The following KDM3B variants were observed in gnomAD, a reference collection of about 807,000 sequenced individuals.
The protein encoded by KDM3B is lysine demethylase 3B.
In KDM3B, 10 loss-of-function variants were observed where a neutral mutation model predicts 170.0. That is an observed-to-expected ratio of 0.06 (90% CI 0.04 to 0.10). The LOEUF is 0.10. Ranked by LOEUF, KDM3B falls within the 10% of genes least tolerant of loss-of-function variation. The pLI is 1.00. For missense variants in KDM3B, 1,394 were observed against 2,195.2 expected, an observed-to-expected ratio of 0.64 and a Z score of 7.29; for synonymous variants, 831 against 834.8, an observed-to-expected ratio of 1.00 and a Z score of 0.08.
rs985831045 is a variant in KDM3B, at chr5:138,425,371, T to G, written c.4240-40T>G. The G allele has an allele frequency of 3.8e-6, 6 of 1,596,534 alleles. No individual in the cohort carries two copies. In the Admixed American group the frequency reaches 8.9e-5, roughly 24 times the overall value. On this transcript the variant is annotated intron_variant, in intron 16 of 23. Transcript: ENST00000314358. ...GTCTCAGCCCTAGAGCTGGAAGTTT[T>G]TCCTAGATTGCTCTGATTGGGATAT...
Position 138,424,338 on chromosome 5 carries a change from T to G in KDM3B, c.4236T>G (p.Gly1412=), listed in dbSNP as rs371981158. The change falls in exon 16 of 24, where the codon GGT becomes GGG. Residue 1412 remains glycine (G), a synonymous_variant. Coordinates refer to ENST00000314358, the MANE Select transcript of KDM3B (RefSeq NM_016604.4). Reference sequence around the variant, plus strand: ...TCTTCCGGGAGTGTTGGAAGCAAGGTCAGGTAAGCAAGAATAAGTCGTTCC... The same window carrying G: ...TCTTCCGGGAGTGTTGGAAGCAAGGGCAGGTAAGCAAGAATAAGTCGTTCC... ...WKIFRECWKQ[G]QPVLVSGVHK... The G allele has an allele frequency of 1.9e-6, 3 of 1,613,344 alleles. No individual in the cohort carries two copies. The African/African-American group carries it at 4.0e-5, about 22-fold the overall frequency.
At position 138,417,490 on chromosome 5, in the gene KDM3B, C is replaced by T. The variant is rs906899378; in HGVS notation, c.3315C>T (p.Tyr1105=). 1 of 1,613,912 alleles carries T rather than the reference C, an allele frequency of 6.2e-7. No individual in the cohort carries two copies. Among genetic ancestry groups the T allele is most frequent in the Non-Finnish European group, 8.5e-7 (1 of 1,179,898 alleles). ...PTQIIPGTAL[Y]NIGDMVHAAR... is the part of the protein sequence containing the mutation. Reference sequence around the variant, plus strand: ...GTTACATTTTTTTCCCAGCTCTTTACAATATTGGAGACATGGTACATGCTG... The same window carrying T: ...GTTACATTTTTTTCCCAGCTCTTTATAATATTGGAGACATGGTACATGCTG... The change falls in exon 13 of 24, where the codon TAC becomes TAT. Residue 1105 remains tyrosine (Y), a synonymous_variant. Transcript: ENST00000314358.
Position 138,391,408 on chromosome 5 carries a change from A to C in KDM3B, c.1776A>C (p.Lys592Asn). 1 of 1,613,598 alleles carries C rather than the reference A, an allele frequency of 6.2e-7. No individual in the cohort carries two copies. Among genetic ancestry groups the C allele is most frequent in the Admixed American group, 1.7e-5 (1 of 59,962 alleles). The change falls in exon 8 of 24, where the codon AAA becomes AAC. Residue 592 changes from lysine (K) to asparagine (N), a missense_variant. This residue lies in a region of KDM3B where 294 missense variants were observed against 311.7 expected (regional missense o/e 0.94). Coordinates refer to ENST00000314358, the MANE Select transcript of KDM3B (RefSeq NM_016604.4). The surrounding 1 kb of genome is among the most constrained non-coding windows in gnomAD (Gnocchi z 5.0). ...GSKAGSSVDR[K>N]VPAESMPTLT... ...AGGCTGGCAGCTCTGTGGACCGGAA[A>C]GTGCCTGCAGAGTCCATGCCCACCC...
chr5:138,375,753 T>A (rs12513428), intron 3 of KDM3B, among the ~76,000 whole-genome samples: 2 of 151,752 alleles, frequency 1.3e-5, no homozygotes, highest in African/African-American at 4.8e-5. Context: ...CTTGGCTCAC[T>A]GAAACCTCTG....
chr5:138,405,066 CAG>C (rs1475656637), intron 11 of KDM3B, among the ~76,000 whole-genome samples: 1 of 137,028 alleles, frequency 7.3e-6, no homozygotes, highest in Non-Finnish European at 1.5e-5. Context: ...TTTTTTGAGA[CAG>C]AGTGTCGTAC....
intron 11 of KDM3B, among the ~76,000 whole-genome samples, chr5:138,404,041 C>T (rs924273827): frequency 6.6e-6 from 1 of 151,612 alleles, no homozygotes; most frequent in African/African-American, 2.4e-5. Flanking sequence ...AAAGACTAAA[C>T]TTGCAGACAT....
chr5:138,419,379 G>C, intron 14 of KDM3B, 147 bp downstream of exon 14: 1 of 1,030,026 alleles, frequency 9.7e-7, no homozygotes, highest in Non-Finnish European at 1.4e-6. Context: ...GCCGGGGCCT[G>C]GCGTGGTGGC....
intron 17 of KDM3B, 146 bp from the exon 18 acceptor site, chr5:138,426,829 C>T: frequency 1.7e-6 from 1 of 603,382 alleles, no homozygotes; most frequent in Non-Finnish European, 2.9e-6. Context: ...TGCCACTGCA[C>T]TGCAGCCCGG....
intron 11 of KDM3B, among the ~76,000 whole-genome samples, chr5:138,413,118 G>C (rs1372207990): frequency 1.3e-5 from 2 of 152,158 alleles, no homozygotes; most frequent in Non-Finnish European, 2.9e-5. Context: ...AGGCATGTTG[G>C]CTCATACCTG....
chr5:138,431,926 CAAAA>C (rs1382885197), intron 23 of KDM3B, among the ~76,000 whole-genome samples: 1 of 150,050 alleles, frequency 6.7e-6, no homozygotes, highest in African/African-American at 2.4e-5. Context: ...AAAAAAAAAA[CAAAA>C]AACAGTTTTT....
chr5:138,404,408 A>G (rs1310866237), intron 11 of KDM3B, among the ~76,000 whole-genome samples: 1 of 152,154 alleles, frequency 6.6e-6, no homozygotes, highest in Non-Finnish European at 1.5e-5. Flanking sequence ...GGGCGGGATC[A>G]CCTGAGGTCG....
rs540391481 is a variant in KDM3B at position 138,379,937 on chromosome 5, T to C, written c.705+229T>C. 7.9e-5 allele frequency among the ~76,000 whole-genome samples: 12 copies of C among 152,290 alleles called. No individual in the cohort carries two copies. The East Asian group carries it at 2.3e-3, about 29-fold the overall frequency. On this transcript the variant is annotated intron_variant, in intron 5 of 23. Coordinates refer to ENST00000314358, the MANE Select transcript of KDM3B (RefSeq NM_016604.4). ...CCCCACTGACCTTACAACACTGTTTTGGGTCCTGAGATAAAGTATCTGAAA... is the reference window on the plus strand; with the variant it reads ...CCCCACTGACCTTACAACACTGTTTCGGGTCCTGAGATAAAGTATCTGAAA...
chr5:138,368,787 C>G (rs115087612), intron 1 of KDM3B, among the ~76,000 whole-genome samples: 1 of 152,124 alleles, frequency 6.6e-6, no homozygotes, highest in South Asian at 2.1e-4. Context: ...ACACTTTATT[C>G]CATGTCCTTT....
intron 1 of KDM3B, among the ~76,000 whole-genome samples, chr5:138,358,302 C>T (rs868644107): frequency 3.6e-5 from 4 of 109,836 alleles, no homozygotes; most frequent in East Asian, 2.9e-4. Context: ...TTCTTTCTTT[C>T]TTTCTTTTTT....
intron 8 of KDM3B, 77 bp from the exon 9 acceptor site, chr5:138,393,094 C>A: frequency 7.3e-7 from 1 of 1,367,498 alleles, no homozygotes; most frequent in Non-Finnish European, 1.0e-6. Context: ...GAACAAATGT[C>A]TGTCCCCAAA....
At chr5:138,413,592 G>C (rs1763028324) in intron 11 of KDM3B, among the ~76,000 whole-genome samples, 1 of 152,100 alleles carries the variant, frequency 6.6e-6, no homozygotes, top group Non-Finnish European at 1.5e-5. Flanking sequence ...CATTTCCACA[G>C]AAAGACCTAT....
intron 8 of KDM3B, 109 bp downstream of exon 8, chr5:138,392,370 CA>C: frequency 7.8e-6 from 9 of 1,146,740 alleles, no homozygotes; most frequent in Non-Finnish European, 1.0e-5. Context: ...TCTGTAATCT[CA>C]TAGAATTACA....
chr5:138,403,124 CAA>C (rs1018919572), intron 11 of KDM3B, among the ~76,000 whole-genome samples: 2 of 152,146 alleles, frequency 1.3e-5, no homozygotes, highest in African/African-American at 4.8e-5. Flanking sequence ...GCTTCCATAA[CAA>C]AGTATAAAGC....
intron 11 of KDM3B, among the ~76,000 whole-genome samples, chr5:138,409,794 G>A (rs1580932848): frequency 6.6e-6 from 1 of 152,220 alleles, no homozygotes; most frequent in South Asian, 2.1e-4. Context: ...TAACAATAAT[G>A]AAAAATAGGC....
Sources: allele counts gnomAD v4.1 joint callset (sites outside exome capture counted in the v4.1 genomes callset), GRCh38; gene constraint gnomAD v4.1.1; regional missense constraint gnomAD v4.1.1; non-coding constraint Gnocchi (gnomAD v3.1); transcripts MANE v1.5; gene names NCBI Gene and HGNC (gene_info 2026-07-23, HGNC 2026-07-21).